The following IGDCC4 variants were observed in gnomAD, a reference collection of about 807,000 sequenced individuals.
The protein encoded by IGDCC4 is likely ortholog of mouse neighbor of Punc E11.
IGDCC4 carries 72 observed loss-of-function variants against 116.6 expected under a neutral mutation model. That is an observed-to-expected ratio of 0.62 (90% CI 0.51 to 0.75). IGDCC4 has a LOEUF of 0.75. Ranked by LOEUF, IGDCC4 falls within the 30% of genes least tolerant of loss-of-function variation. IGDCC4 has a pLI of 0.00. For synonymous variants in IGDCC4, 709 were observed against 719.9 expected, an observed-to-expected ratio of 0.98 and a Z score of 0.24; for missense variants, 1,501 against 1,662.4, an observed-to-expected ratio of 0.90 and a Z score of 1.69.
At position 65,385,251 on chromosome 15, in the gene IGDCC4, A is replaced by G. The variant is rs1319711344; in HGVS notation, c.3181-136T>C. Reference sequence around the variant, plus strand: ...TCACCCGCTGCTCTCTCCCTCTCCAAGGCTCTGGGGAGGAGCATCGAAAGG... The same window carrying G: ...TCACCCGCTGCTCTCTCCCTCTCCAGGGCTCTGGGGAGGAGCATCGAAAGG... On this transcript the variant is annotated intron_variant, in intron 18 of 19. Coordinates refer to ENST00000352385, the MANE Select transcript of IGDCC4 (RefSeq NM_020962.3). The G allele has an allele frequency of 4.3e-6, 4 of 928,476 alleles. No homozygotes were observed. The African/African-American group carries it at 6.8e-5, about 16-fold the overall frequency. The allele number at this position is 928,476 out of a possible 1,614,324, so 57.5% of individuals were successfully genotyped here. A position where few individuals can be genotyped will look rare whatever the true frequency, so the allele number is the denominator to read the frequency against.
At position 65,386,605 on chromosome 15, in the gene IGDCC4, C is replaced by A. The variant is rs758600008; in HGVS notation, c.2897G>T (p.Gly966Val). ...CATGCAGGCCAGGAGGCAGAGGAGG[C>A]CCAGGCAGACACCCACGATGATGCC... ...VTGIIVGVCL[G>V]LLCLLACMCA... The change falls in exon 17 of 20, where the codon GGC becomes GTC. Residue 966 changes from glycine (G) to valine (V), a missense_variant. Gly to Val is a moderately radical substitution (Grantham distance 109). Around this residue, in one of 3 missense-constraint regions of IGDCC4, gnomAD observed 235 missense variants for 328.0 expected, o/e 0.72. Transcript: ENST00000352385. The A allele has an allele frequency of 5.0e-6, 8 of 1,612,276 alleles. No individual in the cohort carries two copies. The South Asian group carries it at 8.8e-5, about 18-fold the overall frequency.
At position 65,385,972 on chromosome 15, in the gene IGDCC4, T is replaced by A; in HGVS notation, c.3039A>T (p.Pro1013=). 3.5e-6 allele frequency: 4 copies of A among 1,142,288 alleles called. No homozygotes were observed. The highest frequency in any genetic ancestry group is 4.6e-6 in the Non-Finnish European group (4 of 868,194). 70.8% of individuals were successfully genotyped at this position (1,142,288 alleles called of 1,614,324 possible). The part of the protein sequence containing the change: ...SRARLGPPSP[P]AAHELESLVH... Reference sequence around the variant, plus strand: ...CAAGGGACTCCAATTCATGGGCAGCTGGGGGGCTGGGGGGGCCAAGCCGAG... The same window carrying A: ...CAAGGGACTCCAATTCATGGGCAGCAGGGGGGCTGGGGGGGCCAAGCCGAG... Residue 1013 remains proline (P), a synonymous_variant, in exon 18 of 20, where the codon CCA becomes CCT. Coordinates refer to ENST00000352385, the MANE Select transcript of IGDCC4 (RefSeq NM_020962.3).
intron 7 of IGDCC4, among the ~76,000 whole-genome samples, chr15:65,395,481 T>C (rs1156840285): frequency 6.6e-6 from 1 of 152,072 alleles, no homozygotes; most frequent in Non-Finnish European, 1.5e-5. Flanking sequence ...CCCTCTCCAG[T>C]TAGTTAACTG....
intron 3 of IGDCC4, among the ~76,000 whole-genome samples, chr15:65,409,017 T>C (rs1418271181): frequency 6.6e-6 from 1 of 152,074 alleles, no homozygotes; most frequent in Non-Finnish European, 1.5e-5. Flanking sequence ...TATTGTTTTA[T>C]AGAAACTGGG....
chr15:65,386,111 C>CT, intron 17 of IGDCC4, 52 bp from the exon 18 acceptor site: 1 of 1,197,936 alleles, frequency 8.3e-7, no homozygotes, highest in Non-Finnish European at 1.2e-6. Context: ...AGGGGTCAGG[C>CT]GGGGCTGGGA....
In IGDCC4 at chr15:65,395,166, A is replaced by G. The variant is rs2062909664; in HGVS notation, c.1504T>C (p.Tyr502His). ...DLEPNTDYEFYVVAYSQLGAS... is the reference protein window; with the variant it reads ...DLEPNTDYEFHVVAYSQLGAS... ...CCCAGCTGGGAGTAGGCCACCACGTAGAACTCATAATCTGTGTTGGGTTCC... is the reference window on the plus strand; with the variant it reads ...CCCAGCTGGGAGTAGGCCACCACGTGGAACTCATAATCTGTGTTGGGTTCC... Residue 502 changes from tyrosine to histidine, a missense_variant, in exon 8 of 20, where the codon TAC (tyrosine) becomes CAC (histidine). By Grantham distance (83) the Tyr-to-His change is moderately conservative. Around this residue, in one of 3 missense-constraint regions of IGDCC4, gnomAD observed 898 missense variants for 978.9 expected, o/e 0.92. Transcript: ENST00000352385. 8.1e-6 allele frequency: 13 copies of G among 1,613,898 alleles called. No individual in the cohort carries two copies. The highest frequency in any genetic ancestry group is 1.1e-5 in the Non-Finnish European group (13 of 1,179,956).
intron 3 of IGDCC4, among the ~76,000 whole-genome samples, chr15:65,406,112 A>G (rs2063039171): frequency 6.6e-6 from 1 of 152,256 alleles, no homozygotes; most frequent in Non-Finnish European, 1.5e-5. Flanking sequence ...GTTTCTTAAA[A>G]TGTGAGTGAA....
Position 65,391,891 on chromosome 15 carries a change from G to A in IGDCC4, c.2213C>T (p.Ala738Val), listed in dbSNP as rs776932088. ...AAVWKGKTEK[A>V]PAPDMPIQRG... ...CCCACCGCCCTCACCTGGTGCCGGC[G>A]CCTTCTCCGTCTTGCCCTTCCACAC... Residue 738 changes from alanine (A) to valine (V), a missense_variant, in exon 12 of 20, where the codon GCG becomes GTG. Physicochemically the swap from Ala to Val is moderately conservative, Grantham distance 64 (BLOSUM62 0). This residue lies in a region of IGDCC4 where 235 missense variants were observed against 328.0 expected (regional missense o/e 0.72). Transcript: ENST00000352385. 8.1e-5 allele frequency: 130 copies of A among 1,613,270 alleles called. 1 individual carries two copies. In the Admixed American group the frequency reaches 1.4e-3, roughly 17 times the overall value.
rs2062884243 is a variant in IGDCC4, at chr15:65,393,263, G to A, written c.1885+98C>T. 3 of 1,321,454 alleles carry A rather than the reference G, an allele frequency of 2.3e-6. No individual in the cohort carries two copies. Among genetic ancestry groups the A allele is most frequent in the Non-Finnish European group, 3.0e-6 (3 of 996,894 alleles). The allele number at this position is 1,321,454 out of a possible 1,614,324, so 81.9% of individuals were successfully genotyped here. Reference sequence around the variant, plus strand: ...GAGGGAGCCATGGAAGGTCTCTGATGGAGGGCGGGGCCAGGGGGTGGGGCG... The same window carrying A: ...GAGGGAGCCATGGAAGGTCTCTGATAGAGGGCGGGGCCAGGGGGTGGGGCG... On this transcript the variant is annotated intron_variant, in intron 10 of 19. Transcript: ENST00000352385. The surrounding 1 kb of genome is among the most constrained non-coding windows in gnomAD (Gnocchi z 4.6).
rs1011188884 is a variant in IGDCC4 at position 65,382,405 on chromosome 15, T to C, written c.*1604A>G. 2.1e-4 allele frequency: 29 copies of C among 140,568 alleles called. No individual in the cohort carries two copies. Among genetic ancestry groups the C allele is most frequent in the Admixed American group, 6.3e-4 (9 of 14,318 alleles). The allele number at this position is 140,568 out of a possible 1,614,324, so 8.7% of individuals were successfully genotyped here. On this transcript the variant is annotated 3_prime_UTR_variant, in exon 20 of 20. Coordinates refer to ENST00000352385, the MANE Select transcript of IGDCC4 (RefSeq NM_020962.3). Reference sequence around the variant, plus strand: ...ACTGTGCTGAGAGACATTCCACCATTTAAAAAAAAAAAAAAAAAAAAGGAA... The same window carrying C: ...ACTGTGCTGAGAGACATTCCACCATCTAAAAAAAAAAAAAAAAAAAAGGAA...
Position 65,395,646 on chromosome 15 carries a change from G to T in IGDCC4, c.1411+104C>A, listed in dbSNP as rs2062916124. On this transcript the variant is annotated intron_variant, in intron 7 of 19. Coordinates refer to ENST00000352385, the MANE Select transcript of IGDCC4 (RefSeq NM_020962.3). ...GCTCCTACCCCAGTCCATCCTTGCCGCAGAGGTACCCATCAGGCAACCCTT... is the reference window on the plus strand; with the variant it reads ...GCTCCTACCCCAGTCCATCCTTGCCTCAGAGGTACCCATCAGGCAACCCTT... 3 of 1,243,798 alleles carry T rather than the reference G, an allele frequency of 2.4e-6. No homozygotes were observed. The South Asian group carries it at 5.5e-5, about 23-fold the overall frequency. 77.0% of individuals were successfully genotyped at this position (1,243,798 alleles called of 1,614,324 possible).
intron 1 of IGDCC4, among the ~76,000 whole-genome samples, chr15:65,416,993 G>A (rs1404662672): frequency 6.6e-6 from 1 of 151,858 alleles, no homozygotes; most frequent in African/African-American, 2.4e-5. Context: ...TAGGGAAGGG[G>A]CGTGTAGCTG....
rs763745197 is a variant in IGDCC4 at position 65,386,022 on chromosome 15, CG to C, written c.2988del (p.Asn998IlefsTer72). On this transcript the variant is annotated frameshift_variant, in exon 18 of 20. Coordinates refer to ENST00000352385, the MANE Select transcript of IGDCC4 (RefSeq NM_020962.3). LOFTEE classifies it high-confidence loss of function. ...GCTCTGGAGTACAGCGCGGGATTCC[CG>C]GGGGTGGCGGTGGAGGACAGGCCTG... is the stretch of plus-strand genomic sequence containing the variant. ...SLPGLSSTAT[P>X]GNPALYSRAR... The C allele has an allele frequency of 4.4e-5, 68 of 1,549,196 alleles. No homozygotes were observed. Among genetic ancestry groups the C allele is most frequent in the Non-Finnish European group, 5.0e-5 (58 of 1,151,836 alleles).
chr15:65,415,749 T>C (rs1284365040), intron 1 of IGDCC4, among the ~76,000 whole-genome samples: 1 of 152,028 alleles, frequency 6.6e-6, no homozygotes, highest in African/African-American at 2.4e-5. Flanking sequence ...AATAAGAGGG[T>C]TCTCTCTGCC....
At chr15:65,395,049 A>C in intron 8 of IGDCC4, 45 bp downstream of exon 8, 2 of 1,561,554 alleles carry the variant, frequency 1.3e-6, no homozygotes, top group South Asian at 1.2e-5. Context: ...TCCCCAGGGA[A>C]TTCTCTTTAC....
rs1167326165 is a variant in IGDCC4 at position 65,384,400 on chromosome 15, G to A, written c.3362C>T (p.Ser1121Leu). ...CACCTGGTTCCTGCAGGCTGGGGGT[G>A]ACTTCTTCCTCCCATTGCCCTGATC... is the stretch of plus-strand genomic sequence containing the variant. Reference protein sequence around the residue: ...DAIKGNGRKKSPPACRNQVEA... With the variant: ...DAIKGNGRKKLPPACRNQVEA... Residue 1121 changes from serine (S) to leucine (L), a missense_variant, in exon 20 of 20, where the codon TCA (serine) becomes TTA (leucine). Physicochemically the swap from Ser to Leu is moderately radical, Grantham distance 145. Transcript: ENST00000352385. This position sits in a 1 kb window ranked among gnomAD's most constrained non-coding sequence, Gnocchi z 4.9. The A allele has an allele frequency of 6.6e-7, 1 of 1,517,748 alleles. No homozygotes were observed. Among genetic ancestry groups the A allele is most frequent in the Admixed American group, 2.2e-5 (1 of 46,440 alleles). 94.0% of individuals were successfully genotyped at this position (1,517,748 alleles called of 1,614,324 possible).
rs2062934931 is a variant in IGDCC4 at position 65,396,997 on chromosome 15, A to G, written c.842-8T>C. On this transcript the variant is annotated splice_region_variant and splice_polypyrimidine_tract_variant and intron_variant, in intron 5 of 19. Coordinates refer to ENST00000352385, the MANE Select transcript of IGDCC4 (RefSeq NM_020962.3). ...TGGAGATGGGCTTCCCGTCTGGGGAAGGAGAGGGAGACGCGCTGGAGGGGA... is the reference window on the plus strand; with the variant it reads ...TGGAGATGGGCTTCCCGTCTGGGGAGGGAGAGGGAGACGCGCTGGAGGGGA... 1.3e-6 allele frequency: 2 copies of G among 1,575,660 alleles called. No individual in the cohort carries two copies.
rs1205802857 is a variant in IGDCC4 at position 65,385,836 on chromosome 15, T to C, written c.3175A>G (p.Arg1059Gly). The part of the protein sequence containing the change: ...GVSEGRSHSK[R>G]KISWAQPSGL... ...AATGTGGGGCTCTGACTTACCTTTC[T>C]TTTGGAGTGACTCCGGCCTTCAGAA... Residue 1059 changes from arginine to glycine, a missense_variant, in exon 18 of 20, where the codon AGA becomes GGA. Arg to Gly is a moderately radical substitution (Grantham distance 125). Around this residue, in one of 3 missense-constraint regions of IGDCC4, gnomAD observed 368 missense variants for 355.6 expected, o/e 1.03. Transcript: ENST00000352385. 2 of 1,612,072 alleles carry C rather than the reference T, an allele frequency of 1.2e-6. No homozygotes were observed. The highest frequency in any genetic ancestry group is 1.3e-5 in the African/African-American group (1 of 74,966).
At chr15:65,389,501 CA>C in intron 13 of IGDCC4, 90 bp from the exon 14 acceptor site, 1 of 1,571,512 alleles carries the variant, frequency 6.4e-7, no homozygotes, top group Non-Finnish European at 8.7e-7. Context: ...CAGTCAGCCC[CA>C]GCCCCAGGCT....
Sources: gnomAD v4.1 joint callset for allele counts (sites outside exome capture counted in the v4.1 genomes callset) on GRCh38, gnomAD v4.1.1 for gene constraint, gnomAD v4.1.1 regional missense constraint, Gnocchi (gnomAD v3.1) non-coding constraint, MANE v1.5 for transcripts, NCBI Gene and HGNC (gene_info 2026-07-23, HGNC 2026-07-21) for gene names.